The following ATP5MC1 variants were observed in gnomAD, a reference collection of about 807,000 sequenced individuals.
ATP5MC1 encodes the protein ATP synthase membrane subunit c locus 1, also known as ATP synthase F(0) complex subunit C1, mitochondrial.
A neutral mutation model predicts 12.1 loss-of-function variants in ATP5MC1; 4 were observed. The observed-to-expected ratio is 0.33, with a 90% CI of 0.16 to 0.76. ATP5MC1 has a LOEUF of 0.76. ATP5MC1 is among the 30% of genes least tolerant of loss of function. ATP5MC1 has a pLI of 0.61. For missense variants in ATP5MC1, 117 were observed against 172.1 expected, an observed-to-expected ratio of 0.68 and a Z score of 1.79; for synonymous variants, 52 against 66.0, an observed-to-expected ratio of 0.79 and a Z score of 1.03.
Position 48,894,463 on chromosome 17 carries a change from A to G in ATP5MC1, c.117+14A>G. ...TCATCTAAACAGGTAAGGGAGGAAT[A>G]GCTCTCTTAGGAATGTTCCCAAGGC... On this transcript the variant is annotated intron_variant, in intron 3 of 4. Transcript: ENST00000393366. The G allele has an allele frequency of 6.2e-7, 1 of 1,610,652 alleles. No homozygotes were observed. Among genetic ancestry groups the G allele is most frequent in the Non-Finnish European group, 8.5e-7 (1 of 1,178,334 alleles).
rs149151254 is a variant in ATP5MC1, at chr17:48,894,470, T to C, written c.117+21T>C. The C allele has an allele frequency of 3.3e-4, 537 of 1,609,946 alleles. 2 individuals carry two copies. In the East Asian group the frequency reaches 0.01, roughly 31 times the overall value. ...AACAGGTAAGGGAGGAATAGCTCTCTTAGGAATGTTCCCAAGGCCCAGGAT... is the reference window on the plus strand; with the variant it reads ...AACAGGTAAGGGAGGAATAGCTCTCCTAGGAATGTTCCCAAGGCCCAGGAT... On this transcript the variant is annotated intron_variant, in intron 3 of 4. Transcript: ENST00000393366.
At position 48,895,843 on chromosome 17, in the gene ATP5MC1, T is replaced by C; in HGVS notation, c.*74T>C. On this transcript the variant is annotated 3_prime_UTR_variant, in exon 5 of 5. Coordinates refer to ENST00000393366, the MANE Select transcript of ATP5MC1 (RefSeq NM_005175.3). ...TTCTTGGTGCTGGGGTGTGTTAAGC[T>C]TTACCATTAAACACAACGTTTCTCT... is the stretch of plus-strand genomic sequence containing the variant. 7.2e-7 allele frequency: 1 copy of C among 1,397,386 alleles called. No individual in the cohort carries two copies. The highest frequency in any genetic ancestry group is 1.0e-6 in the Non-Finnish European group (1 of 990,240). 86.6% of individuals were successfully genotyped at this position (1,397,386 alleles called of 1,614,324 possible). A position where few individuals can be genotyped will look rare whatever the true frequency, so the allele number is the denominator to read the frequency against.
intron 1 of ATP5MC1, 154 bp from the exon 2 acceptor site, chr17:48,893,255 C>CCT (rs2040545349): frequency 3.2e-5 from 22 of 688,986 alleles, no homozygotes; most frequent in Non-Finnish European, 5.1e-5. Context: ...GTCCCTCTGA[C>CCT]CTCTAATGCC....
At chr17:48,893,602 GT>G in intron 2 of ATP5MC1, 146 bp downstream of exon 2, 1 of 898,408 alleles carries the variant, frequency 1.1e-6, no homozygotes, top group Non-Finnish European at 1.8e-6. Flanking sequence ...GGTAACCCCT[GT>G]TTATCTGGGC....
chr17:48,894,956 C>T, intron 3 of ATP5MC1, 200 bp from the exon 4 acceptor site: 1 of 711,084 alleles, frequency 1.4e-6, no homozygotes, highest in South Asian at 1.5e-5. Flanking sequence ...ATGAAATTTC[C>T]CTAGTCCTGT....
intron 4 of ATP5MC1, 98 bp downstream of exon 4, chr17:48,895,432 T>C (rs2040564073): frequency 3.4e-6 from 5 of 1,475,582 alleles, no homozygotes; most frequent in Non-Finnish European, 3.6e-6. Flanking sequence ...TTCAGGTTGA[T>C]TTCATCTACA....
chr17:48,893,454 C>T lies in ATP5MC1; in HGVS notation c.37C>T (p.Leu13=), dbSNP rs2040547221. 1 of 1,613,878 alleles carries T rather than the reference C, an allele frequency of 6.2e-7. No homozygotes were observed. Among genetic ancestry groups the T allele is most frequent in the Admixed American group, 1.7e-5 (1 of 59,996 alleles). The change falls in exon 2 of 5, where the codon CTG becomes TTG. Residue 13 remains leucine, a splice_region_variant and synonymous_variant. Coordinates refer to ENST00000393366, the MANE Select transcript of ATP5MC1 (RefSeq NM_005175.3). The stretch of plus-strand genomic sequence containing the variant: ...CGGGGCATTATTCATTTCTCCAGCT[C>T]TGGTAAGGTGCCGCGCCGCAGTGCT... The part of the protein sequence containing the change: ...TAGALFISPA[L]IRCCTRGLIR...
chr17:48,894,242 G>T (rs2040552887), intron 2 of ATP5MC1, 130 bp from the exon 3 acceptor site: 2 of 889,438 alleles, frequency 2.2e-6, no homozygotes, highest in Admixed American at 1.9e-5. Context: ...GATAGGAACA[G>T]GAATAAATTG....
Position 48,895,847 on chromosome 17 carries a change from C to T in ATP5MC1, c.*78C>T, listed in dbSNP as rs1255954430. 2 of 1,349,602 alleles carry T rather than the reference C, an allele frequency of 1.5e-6. No homozygotes were observed. Among genetic ancestry groups the T allele is most frequent in the African/African-American group, 1.4e-5 (1 of 69,586 alleles). 83.6% of individuals were successfully genotyped at this position (1,349,602 alleles called of 1,614,324 possible). A position where few individuals can be genotyped will look rare whatever the true frequency, so the allele number is the denominator to read the frequency against. On this transcript the variant is annotated 3_prime_UTR_variant, in exon 5 of 5. Coordinates refer to ENST00000393366, the MANE Select transcript of ATP5MC1 (RefSeq NM_005175.3). Reference sequence around the variant, plus strand: ...TGGTGCTGGGGTGTGTTAAGCTTTACCATTAAACACAACGTTTCTCTAAAC... The same window carrying T: ...TGGTGCTGGGGTGTGTTAAGCTTTATCATTAAACACAACGTTTCTCTAAAC...
intron 1 of ATP5MC1, chr17:48,893,129 T>C: frequency 4.3e-6 from 2 of 460,520 alleles, no homozygotes; most frequent in Non-Finnish European, 7.8e-6. Flanking sequence ...CTGCCCAGTA[T>C]CCGCCTCCAG....
rs577410339 is a variant in ATP5MC1, at chr17:48,894,250, T to C, written c.40-122T>C. ...CCTATCTGATAGGAACAGGAATAAA[T>C]TGACCTTGAAATACATTGAACTTAT... On this transcript the variant is annotated intron_variant, in intron 2 of 4. Coordinates refer to ENST00000393366, the MANE Select transcript of ATP5MC1 (RefSeq NM_005175.3). 5.2e-5 allele frequency: 50 copies of C among 953,160 alleles called. 1 individual carries two copies. In the Admixed American group the frequency reaches 6.4e-4, roughly 12 times the overall value. The allele number at this position is 953,160 out of a possible 1,614,324, so 59.0% of individuals were successfully genotyped here.
rs201557769 is a variant in ATP5MC1, at chr17:48,895,132, C to T, written c.118-24C>T. On this transcript the variant is annotated intron_variant, in intron 3 of 4. Coordinates refer to ENST00000393366, the MANE Select transcript of ATP5MC1 (RefSeq NM_005175.3). Reference sequence around the variant, plus strand: ...ATGCCATACTATCTCTCTGCTATCTCGCCTGCCTTGCTTCTCTTTCTAGCC... The same window carrying T: ...ATGCCATACTATCTCTCTGCTATCTTGCCTGCCTTGCTTCTCTTTCTAGCC... 268 of 1,589,754 alleles carry T rather than the reference C, an allele frequency of 1.7e-4. 1 individual carries two copies. The Middle Eastern group carries it at 2.0e-3, about 12-fold the overall frequency.
At chr17:48,894,937 G>A (rs1211183012) in intron 3 of ATP5MC1, 1 of 675,908 alleles carries the variant, frequency 1.5e-6, no homozygotes, top group African/African-American at 1.8e-5. Context: ...AGTGAGGTGT[G>A]CCTAACCCAT....
At chr17:48,893,540 C>A in intron 2 of ATP5MC1, 84 bp downstream of exon 2, 1 of 1,496,910 alleles carries the variant, frequency 6.7e-7, no homozygotes, top group Non-Finnish European at 9.2e-7. Flanking sequence ...CCCAGGGGAG[C>A]TTGGCGTCCT....
Position 48,894,403 on chromosome 17 carries a change from C to A in ATP5MC1, c.71C>A (p.Pro24His), listed in dbSNP as rs966582350. Residue 24 changes from proline to histidine, a missense_variant, in exon 3 of 5, where the codon CCT (proline) becomes CAT (histidine). Pro to His is a moderately conservative substitution (Grantham distance 77, BLOSUM62 -2). Transcript: ENST00000393366. The stretch of plus-strand genomic sequence containing the variant: ...TGTTGTACCAGGGGTCTAATCAGGC[C>A]TGTGTCTGCCTCCTTCTTGAATAGC... ...IRCCTRGLIR[P>H]VSASFLNSPV... The A allele has an allele frequency of 1.9e-6, 3 of 1,613,840 alleles. No individual in the cohort carries two copies. The highest frequency in any genetic ancestry group is 2.5e-6 in the Non-Finnish European group (3 of 1,180,002).
At chr17:48,893,319 G>T in intron 1 of ATP5MC1, 90 bp from the exon 2 acceptor site, 11 of 1,366,048 alleles carry the variant, frequency 8.1e-6, no homozygotes, top group Non-Finnish European at 1.1e-5. Context: ...AGGACGGACG[G>T]GGGTGAAGGG....
chr17:48,892,794 G>C lies in ATP5MC1; in HGVS notation c.-126G>C, dbSNP rs1198197688. On this transcript the variant is annotated 5_prime_UTR_variant, in exon 1 of 5. Transcript: ENST00000393366. ...TGAGAATGGAGAAGGTCCAGGACAC[G>C]TGGGTGGGGGAAGCTGAGCGCTGAG... 1 of 153,078 alleles carries C rather than the reference G, an allele frequency of 6.5e-6. No homozygotes were observed. 9.5% of individuals were successfully genotyped at this position (153,078 alleles called of 1,614,324 possible). A position where few individuals can be genotyped will look rare whatever the true frequency, so the allele number is the denominator to read the frequency against.
chr17:48,894,375 C>T lies in ATP5MC1; in HGVS notation c.43C>T (p.Arg15Cys), dbSNP rs201426120. 23 of 1,613,720 alleles carry T rather than the reference C, an allele frequency of 1.4e-5. No homozygotes were observed. Among genetic ancestry groups the T allele is most frequent in the African/African-American group, 6.7e-5 (5 of 74,844 alleles). Residue 15 changes from arginine (R) to cysteine (C), a missense_variant, in exon 3 of 5, where the codon CGC becomes TGC. Physicochemically the swap from Arg to Cys is radical, Grantham distance 180. Transcript: ENST00000393366. ...GALFISPALI[R>C]CCTRGLIRPV... ...ATGTGGCTTTCTGATTTTACAGATC[C>T]GCTGTTGTACCAGGGGTCTAATCAG...
At chr17:48,893,558 T>C (rs749647180) in intron 2 of ATP5MC1, 102 bp downstream of exon 2, 31 of 1,360,302 alleles carry the variant, frequency 2.3e-5, no homozygotes, top group Non-Finnish European at 3.1e-5. Context: ...CCTGATGATG[T>C]AGGCTCTTTG....
Sources: gnomAD v4.1 joint callset for allele counts on GRCh38, gnomAD v4.1.1 for gene constraint, MANE v1.5 for transcripts, NCBI Gene and HGNC (gene_info 2026-07-23, HGNC 2026-07-21) for gene names.